TANC1: variants seen among roughly 807,000 people sequenced by gnomAD.
The protein encoded by TANC1 is tetratricopeptide repeat, ankyrin repeat and coiled-coil containing 1.
Under a neutral mutation model 149.7 loss-of-function variants are expected in TANC1, and 77 were observed. The observed-to-expected ratio is 0.51, with a 90% confidence interval of 0.43 to 0.62. The LOEUF (loss-of-function observed/expected upper bound fraction) is 0.62, where lower values mean the gene tolerates loss of function less well. Ranked by LOEUF, TANC1 falls within the 20% of genes least tolerant of loss-of-function variation. The probability of loss-of-function intolerance (pLI) is 0.00; values close to 1 mark genes in which losing one functional copy is unlikely to be tolerated. For missense variants in TANC1, 1,985 were observed against 2,321.8 expected, an observed-to-expected ratio of 0.85 and a Z score of 2.98; for synonymous variants, 854 against 925.0, an observed-to-expected ratio of 0.92 and a Z score of 1.39.
intron 2 of TANC1, among the ~76,000 whole-genome samples, chr2:159,009,613 G>A (rs2037564485): frequency 6.6e-6 from 1 of 152,132 alleles, no homozygotes; most frequent in African/African-American, 2.4e-5. Context: ...GAGGGATGGA[G>A]CTAGCTAGAG....
chr2:159,078,536 A>C (rs2043926209), intron 3 of TANC1, among the ~76,000 whole-genome samples: 1 of 152,192 alleles, frequency 6.6e-6, no homozygotes, highest in African/African-American at 2.4e-5. Flanking sequence ...TATTTCATGG[A>C]GGTCAGCTCT....
At chr2:159,166,103 A>AT (rs2054574443) in intron 8 of TANC1, among the ~76,000 whole-genome samples, 1 of 152,238 alleles carries the variant, frequency 6.6e-6, no homozygotes, top group South Asian at 2.1e-4. Flanking sequence ...AATGCATGAC[A>AT]TGGACACCTC....
chr2:159,189,612 CTT>C (rs764971157), intron 16 of TANC1, among the ~76,000 whole-genome samples: 1 of 151,904 alleles, frequency 6.6e-6, no homozygotes, highest in Non-Finnish European at 1.5e-5. Flanking sequence ...TGAAGTGAAA[CTT>C]TTATCCTCAT....
chr2:159,202,523 C>A (rs938134666), intron 19 of TANC1, among the ~76,000 whole-genome samples: 4 of 152,118 alleles, frequency 2.6e-5, no homozygotes, highest in Non-Finnish European at 5.9e-5. Flanking sequence ...GTTTAGGGAC[C>A]AGCCATTCAG....
intron 2 of TANC1, among the ~76,000 whole-genome samples, chr2:159,048,916 C>T (rs1411281196): frequency 6.6e-6 from 1 of 152,198 alleles, no homozygotes; most frequent in Non-Finnish European, 1.5e-5. Context: ...CAGGCATGAG[C>T]CACCACAATT....
chr2:158,982,587 A>C (rs1013829139), intron 1 of TANC1, among the ~76,000 whole-genome samples: 1 of 152,124 alleles, frequency 6.6e-6, no homozygotes, highest in Non-Finnish European at 1.5e-5. Context: ...ACCATATTTT[A>C]TTTTATTCTG....
At chr2:159,071,265 C>T (rs978657993) in intron 3 of TANC1, among the ~76,000 whole-genome samples, 1 of 152,122 alleles carries the variant, frequency 6.6e-6, no homozygotes, top group African/African-American at 2.4e-5. Flanking sequence ...AAAATATAGA[C>T]TGATTAAGGA....
intron 2 of TANC1, among the ~76,000 whole-genome samples, chr2:159,020,903 G>A (rs1431729222): frequency 2.0e-5 from 3 of 151,494 alleles, no homozygotes; most frequent in African/African-American, 7.3e-5. Context: ...GGGTCCAGTT[G>A]TGTCTTTTTA....
intron 7 of TANC1, 35 bp from the exon 8 acceptor site, chr2:159,163,248 G>T (rs770660057): frequency 8.8e-6 from 14 of 1,596,706 alleles, no homozygotes; most frequent in Admixed American, 3.4e-5. Context: ...AGCTGTGCCT[G>T]GCCTCCTTCA....
intron 2 of TANC1, among the ~76,000 whole-genome samples, chr2:159,061,592 T>G (rs1037752964): frequency 3.3e-5 from 5 of 152,338 alleles, no homozygotes; most frequent in Non-Finnish European, 5.9e-5. Flanking sequence ...AATTCAAGTT[T>G]CCTAAGTCTC....
chr2:159,086,222 T>TG (rs1041459018), intron 3 of TANC1, among the ~76,000 whole-genome samples: 37 of 152,164 alleles, frequency 2.4e-4, no homozygotes, highest in African/African-American at 8.4e-4. Context: ...TTGGATTTTT[T>TG]TTTTTTGAGA....
chr2:159,197,457 G>A (rs188294821), intron 18 of TANC1, among the ~76,000 whole-genome samples: 7 of 152,290 alleles, frequency 4.6e-5, no homozygotes, highest in African/African-American at 1.7e-4. Flanking sequence ...AATTAGAGGT[G>A]CCAGTATTTG....
intron 3 of TANC1, among the ~76,000 whole-genome samples, chr2:159,072,806 G>A (rs2043277197): frequency 6.6e-6 from 1 of 151,572 alleles, no homozygotes; most frequent in Non-Finnish European, 1.5e-5. Context: ...TTTCTGTTAT[G>A]GAGAAGACAG....
At chr2:159,054,046 A>G (rs1320037324) in intron 2 of TANC1, among the ~76,000 whole-genome samples, 1 of 152,026 alleles carries the variant, frequency 6.6e-6, no homozygotes, top group Non-Finnish European at 1.5e-5. Flanking sequence ...AGTGTGTGTG[A>G]GCCGTGTGTA....
Position 159,178,540 on chromosome 2 carries a change from T to C in TANC1, c.1903-16T>C. Reference sequence around the variant, plus strand: ...CTCTTTAGAGTGACACTGTGGGTTTTTGTTTTCTCCCCCAGGAAATCATAA... The same window carrying C: ...CTCTTTAGAGTGACACTGTGGGTTTCTGTTTTCTCCCCCAGGAAATCATAA... On this transcript the variant is annotated splice_polypyrimidine_tract_variant and intron_variant, in intron 13 of 26. Coordinates refer to ENST00000263635, the MANE Select transcript of TANC1 (RefSeq NM_033394.3). The C allele has an allele frequency of 6.5e-7, 1 of 1,539,196 alleles. No individual in the cohort carries two copies.
rs996220064 is a variant in TANC1 at position 159,053,572 on chromosome 2, T to G, written c.-15-12324T>G. Among the ~76,000 whole-genome samples the G allele has an allele frequency of 3.3e-5, 5 of 152,270 alleles. No homozygotes were observed. The East Asian group carries it at 7.7e-4, about 23-fold the overall frequency. ...ATCCAAGGTTAAAACCTCACTAAAT[T>G]TATTAGACTGTATAAAATTGCCCAG... On this transcript the variant is annotated intron_variant, in intron 2 of 26. Coordinates refer to ENST00000263635, the MANE Select transcript of TANC1 (RefSeq NM_033394.3).
rs547307456 is a variant in TANC1, at chr2:159,004,157, G to T, written c.-16+2968G>T. The T allele has an allele frequency of 3.9e-5, 63 of 1,612,472 alleles. No individual in the cohort carries two copies. In the Admixed American group the frequency reaches 1.0e-3, roughly 26 times the overall value. On this transcript the variant is annotated intron_variant, in intron 2 of 26. Coordinates refer to ENST00000263635, the MANE Select transcript of TANC1 (RefSeq NM_033394.3). The stretch of plus-strand genomic sequence containing the variant: ...AAATGCTTCCTGGAATATTAAGTCA[G>T]CTTGGTGCTGACAGTTTAACAAGCC...
At chr2:159,174,428 G>A (rs2055621016) in intron 11 of TANC1, among the ~76,000 whole-genome samples, 2 of 152,160 alleles carry the variant, frequency 1.3e-5, no homozygotes, top group South Asian at 4.1e-4. Flanking sequence ...TTGATGCAGT[G>A]TGGGTGTGGG....
chr2:159,089,066 G>A (rs1346355469), intron 3 of TANC1, among the ~76,000 whole-genome samples: 2 of 152,188 alleles, frequency 1.3e-5, no homozygotes, highest in Non-Finnish European at 2.9e-5. Flanking sequence ...GTTCCTGCTG[G>A]TGGGCACAGG....
Sources: gnomAD v4.1 joint callset for allele counts (sites outside exome capture counted in the v4.1 genomes callset) on GRCh38, gnomAD v4.1.1 for gene constraint, MANE v1.5 for transcripts, NCBI Gene and HGNC (gene_info 2026-07-23, HGNC 2026-07-21) for gene names.